The following CPD variants were observed in gnomAD, a reference collection of about 807,000 sequenced individuals.
CPD encodes the protein carboxypeptidase D, also known as metallocarboxypeptidase D.
Under a neutral mutation model 138.3 loss-of-function variants are expected in CPD, and 69 were observed. That is an observed-to-expected ratio of 0.50 (90% confidence interval 0.41 to 0.61). The LOEUF (loss-of-function observed/expected upper bound fraction) is 0.61, where lower values mean the gene tolerates loss of function less well. CPD is among the 20% of genes least tolerant of loss of function. The probability of loss-of-function intolerance (pLI) is 0.00; values close to 1 mark genes in which losing one functional copy is unlikely to be tolerated. For missense variants in CPD, 1,432 were observed against 1,733.3 expected (o/e 0.83, Z 3.09); for synonymous variants, 651 against 642.1 (o/e 1.01, Z -0.21).
chr17:30,390,880 A>C (rs1477013023), intron 2 of CPD, among the ~76,000 whole-genome samples: 2 of 149,996 alleles, frequency 1.3e-5, no homozygotes, highest in African/African-American at 4.9e-5. Flanking sequence ...CCCAGGGTGG[A>C]GTGCAATGGC....
At chr17:30,447,666 T>G (rs1212734349) in intron 12 of CPD, 3 of 152,146 alleles carry the variant, frequency 2.0e-5, no homozygotes, top group Non-Finnish European at 2.9e-5. Flanking sequence ...GAAGCCTAGT[T>G]GCTGTCCTAA....
At chr17:30,435,880 A>G (rs1001199932) in intron 8 of CPD, among the ~76,000 whole-genome samples, 1 of 152,094 alleles carries the variant, frequency 6.6e-6, no homozygotes, top group Non-Finnish European at 1.5e-5. Context: ...GCTGGCAACC[A>G]TTGGCATTCC....
intron 7 of CPD, among the ~76,000 whole-genome samples, chr17:30,428,960 A>G (rs1411576765): frequency 6.6e-6 from 1 of 152,176 alleles, no homozygotes; most frequent in Non-Finnish European, 1.5e-5. Context: ...TGGAATATCC[A>G]GAAGTACCAT....
At chr17:30,451,654 G>T in intron 13 of CPD, 57 bp from the exon 14 acceptor site, 2 of 1,529,778 alleles carry the variant, frequency 1.3e-6, no homozygotes, top group Non-Finnish European at 1.8e-6. Context: ...GGCATGAGAG[G>T]GTACCCATTG....
In CPD at chr17:30,385,178, T is replaced by C; in HGVS notation, c.936T>C (p.Asp312=). 1 of 1,614,062 alleles carries C rather than the reference T, an allele frequency of 6.2e-7. No homozygotes were observed. Among genetic ancestry groups the C allele is most frequent in the Non-Finnish European group, 8.5e-7 (1 of 1,179,966 alleles). The part of the protein sequence containing the change: ...MKTGEPHCPG[D]EDETFKDGIT... ...CTGGTGAGCCTCATTGTCCAGGAGA[T>C]GAAGACGAGACTTTCAAAGATGGAA... The change falls in exon 2 of 21, where the codon GAT becomes GAC. Residue 312 remains aspartate, a synonymous_variant. Coordinates refer to ENST00000225719, the MANE Select transcript of CPD (RefSeq NM_001304.5).
At chr17:30,406,076 G>T (rs1176061612) in intron 2 of CPD, among the ~76,000 whole-genome samples, 1 of 151,938 alleles carries the variant, frequency 6.6e-6, no homozygotes, top group South Asian at 2.1e-4. Flanking sequence ...CTGAAATACA[G>T]TAAAAAATAT....
chr17:30,426,257 A>T (rs912221667), intron 6 of CPD, among the ~76,000 whole-genome samples: 1 of 151,912 alleles, frequency 6.6e-6, no homozygotes, highest in African/African-American at 2.4e-5. Context: ...CCTGCTGCAC[A>T]GGCAAAACAG....
intron 2 of CPD, among the ~76,000 whole-genome samples, chr17:30,414,605 G>A (rs1480929065): frequency 6.6e-6 from 1 of 151,772 alleles, no homozygotes; most frequent in African/African-American, 2.4e-5. Flanking sequence ...AAGAGTGATT[G>A]CAGAAATACA....
At chr17:30,393,526 C>G (rs1911412447) in intron 2 of CPD, among the ~76,000 whole-genome samples, 2 of 152,132 alleles carry the variant, frequency 1.3e-5, no homozygotes. Flanking sequence ...AAGAAACAGA[C>G]AAATCCATAA....
At chr17:30,404,822 T>C (rs937268268) in intron 2 of CPD, among the ~76,000 whole-genome samples, 1 of 152,102 alleles carries the variant, frequency 6.6e-6, no homozygotes, top group Admixed American at 6.6e-5. Flanking sequence ...GTTGAATCTG[T>C]TAGGTAGTTA....
chr17:30,411,914 T>C (rs1315197581), intron 2 of CPD, among the ~76,000 whole-genome samples: 1 of 152,230 alleles, frequency 6.6e-6, no homozygotes, highest in African/African-American at 2.4e-5. Context: ...GGCAAGGAGC[T>C]GCGATCCTTT....
intron 11 of CPD, among the ~76,000 whole-genome samples, chr17:30,444,348 T>C (rs1912967176): frequency 6.6e-6 from 1 of 152,072 alleles, no homozygotes; most frequent in Non-Finnish European, 1.5e-5. Context: ...ATAGTAGAAT[T>C]TATTGGAAAT....
At chr17:30,398,756 A>G (rs529409552) in intron 2 of CPD, among the ~76,000 whole-genome samples, 1 of 152,168 alleles carries the variant, frequency 6.6e-6, no homozygotes, top group South Asian at 2.1e-4. Flanking sequence ...CTCACAAAAA[A>G]TTCTTGAATT....
chr17:30,386,442 T>TATATATATATATATATATATACAC (rs1279595060), intron 2 of CPD, among the ~76,000 whole-genome samples: 3 of 152,204 alleles, frequency 2.0e-5, no homozygotes, highest in African/African-American at 7.2e-5. Context: ...CATATATATA[T>TATATATATATATATATATATACAC]ACATAACATG....
chr17:30,428,393 G>A (rs915580942), intron 7 of CPD, among the ~76,000 whole-genome samples: 1 of 152,098 alleles, frequency 6.6e-6, no homozygotes, highest in African/African-American at 2.4e-5. Context: ...GTACATGAAC[G>A]TTCATTCAGG....
At chr17:30,415,189 G>A (rs1912073210) in intron 2 of CPD, among the ~76,000 whole-genome samples, 2 of 152,024 alleles carry the variant, frequency 1.3e-5, no homozygotes, top group South Asian at 2.1e-4. Flanking sequence ...ATCCAGACCC[G>A]TCCTCTTTGT....
At chr17:30,410,521 C>T (rs1436838316) in intron 2 of CPD, among the ~76,000 whole-genome samples, 1 of 152,130 alleles carries the variant, frequency 6.6e-6, no homozygotes, top group Admixed American at 6.5e-5. Context: ...TAAGGACTTG[C>T]TTTATGAATC....
intron 2 of CPD, among the ~76,000 whole-genome samples, chr17:30,396,848 CCTCT>C (rs535890296): frequency 8.7e-4 from 131 of 150,190 alleles, no homozygotes; most frequent in Non-Finnish European, 1.3e-3. Flanking sequence ...TTCTTTCCTT[CCTCT>C]CTCTCTCTCT....
At chr17:30,458,595 G>T (rs751334449) in intron 17 of CPD, among the ~76,000 whole-genome samples, 3 of 152,046 alleles carry the variant, frequency 2.0e-5, no homozygotes, top group Non-Finnish European at 4.4e-5. Flanking sequence ...GGCTTGGCAC[G>T]GTGGCTCAGG....
Sources: allele counts gnomAD v4.1 joint callset (sites outside exome capture counted in the v4.1 genomes callset), GRCh38; gene constraint gnomAD v4.1.1; transcripts MANE v1.5; gene names NCBI Gene and HGNC (gene_info 2026-07-23, HGNC 2026-07-21).